The following PAPSS2 variants were observed in gnomAD, a reference collection of about 807,000 sequenced individuals.
PAPSS2 encodes the protein 3'-phosphoadenosine 5'-phosphosulfate synthase 2, also known as bifunctional 3'-phosphoadenosine 5'-phosphosulfate synthase 2.
In PAPSS2, 61 loss-of-function variants were observed where a neutral mutation model predicts 66.5. The observed-to-expected ratio is 0.92, with a 90% CI of 0.75 to 1.14. The LOEUF is 1.14. Among genes scored for constraint, PAPSS2 ranks in the 50% most tolerant of loss-of-function variants. The pLI, the probability that PAPSS2 is intolerant of heterozygous loss-of-function variation, is 0.00. For missense variants in PAPSS2, 708 were observed against 789.6 expected (o/e 0.90, Z 1.24); for synonymous variants, 289 against 287.5 (o/e 1.01, Z -0.05).
rs1589446929 is a variant in PAPSS2, at chr10:87,747,486, A to AT, written c.*1517dup. On this transcript the variant is annotated 3_prime_UTR_variant, in exon 13 of 13. Transcript: ENST00000456849. ...GTTTGTCTTTAATAGTATAGTGCCT[A>AT]TACTCATGTAATCGGTTACTCACTA... is the stretch of plus-strand genomic sequence containing the variant. 6.6e-6 allele frequency: 1 copy of AT among 152,502 alleles called. No individual in the cohort carries two copies. The highest frequency in any genetic ancestry group is 2.4e-5 in the African/African-American group (1 of 41,422). 9.4% of individuals were successfully genotyped at this position (152,502 alleles called of 1,614,324 possible).
At chr10:87,715,200 A>G (rs1416477748) in intron 6 of PAPSS2, 102 bp downstream of exon 6, 18 of 730,812 alleles carry the variant, frequency 2.5e-5, no homozygotes, top group East Asian at 1.1e-4. Flanking sequence ...TAAGGTGCAC[A>G]TAATGTCCAT....
chr10:87,743,053 C>A (rs566975969), intron 10 of PAPSS2, among the ~76,000 whole-genome samples: 1 of 152,238 alleles, frequency 6.6e-6, no homozygotes, highest in East Asian at 1.9e-4. Flanking sequence ...CGAGACCAGC[C>A]TGGCCAACAT....
chr10:87,709,572 A>G (rs1027953436), intron 2 of PAPSS2, among the ~76,000 whole-genome samples: 1 of 152,188 alleles, frequency 6.6e-6, no homozygotes, highest in Admixed American at 6.5e-5. Flanking sequence ...TTGGCAGGAA[A>G]GGACGGGACA....
chr10:87,675,501 C>G (rs566570740), intron 1 of PAPSS2, among the ~76,000 whole-genome samples: 39 of 145,940 alleles, frequency 2.7e-4, no homozygotes, highest in Non-Finnish European at 4.2e-4. Context: ...GTAAGTCAAG[C>G]ACATTTATTA....
intron 11 of PAPSS2, 76 bp from the exon 12 acceptor site, chr10:87,744,926 T>C: frequency 8.1e-7 from 1 of 1,228,828 alleles, no homozygotes; most frequent in East Asian, 2.4e-5. Context: ...TAAAGTAGAA[T>C]AAAGGTGTCT....
chr10:87,665,500 C>T (rs1347026362), intron 1 of PAPSS2, among the ~76,000 whole-genome samples: 3 of 152,162 alleles, frequency 2.0e-5, no homozygotes, highest in Non-Finnish European at 4.4e-5. Context: ...CGTGAGCCAC[C>T]GTGCCCGGCC....
chr10:87,700,219 T>C (rs1853285587), intron 1 of PAPSS2, among the ~76,000 whole-genome samples: 2 of 152,228 alleles, frequency 1.3e-5, no homozygotes, highest in African/African-American at 4.8e-5. Flanking sequence ...TTTTTCTGTA[T>C]TATAATGTTG....
At chr10:87,686,771 G>C (rs1853094949) in intron 1 of PAPSS2, among the ~76,000 whole-genome samples, 1 of 152,172 alleles carries the variant, frequency 6.6e-6, no homozygotes, top group Non-Finnish European at 1.5e-5. Context: ...ATTAACGTCA[G>C]AGAAGAGGGG....
At chr10:87,706,084 GTATATA>G (rs532950801) in intron 1 of PAPSS2, among the ~76,000 whole-genome samples, 8 of 60,166 alleles carry the variant, frequency 1.3e-4, no homozygotes, top group African/African-American at 2.8e-4. Flanking sequence ...TCTTCACATG[GTATATA>G]TATATATATA....
chr10:87,676,071 C>A (rs1447581415), intron 1 of PAPSS2, among the ~76,000 whole-genome samples: 1 of 96,464 alleles, frequency 1.0e-5, no homozygotes. Flanking sequence ...ATTAAATATT[C>A]CATGAGGAAT....
chr10:87,708,130 T>C (rs1853415694), intron 1 of PAPSS2, among the ~76,000 whole-genome samples: 1 of 152,186 alleles, frequency 6.6e-6, no homozygotes, highest in African/African-American at 2.4e-5. Context: ...ATTTATTGGC[T>C]CACTTTACCT....
At chr10:87,706,108 ATGTGTGTGTGTGTGTGTG>A (rs150079044) in intron 1 of PAPSS2, among the ~76,000 whole-genome samples, 25 of 51,924 alleles carry the variant, frequency 4.8e-4, no homozygotes, top group South Asian at 6.9e-4. Context: ...ATATATATAT[ATGTGTGTGTGTGTGTGTG>A]TGTGTGTGTG....
intron 1 of PAPSS2, among the ~76,000 whole-genome samples, chr10:87,689,324 G>T (rs1853134292): frequency 7.1e-6 from 1 of 139,998 alleles, no homozygotes; most frequent in Admixed American, 7.5e-5. Flanking sequence ...TAGGCAACAC[G>T]AGCAAAACTC....
intron 1 of PAPSS2, among the ~76,000 whole-genome samples, chr10:87,708,585 T>C (rs992280434): frequency 1.3e-5 from 2 of 152,054 alleles, no homozygotes; most frequent in Admixed American, 6.6e-5. Context: ...GGGGAGAACA[T>C]GCATTCACTG....
At chr10:87,681,780 T>G (rs931802252) in intron 1 of PAPSS2, among the ~76,000 whole-genome samples, 4 of 152,252 alleles carry the variant, frequency 2.6e-5, no homozygotes, top group Admixed American at 1.3e-4. Flanking sequence ...ATGTTTCTTA[T>G]AAATGGAATG....
intron 2 of PAPSS2, 139 bp downstream of exon 2, chr10:87,709,452 G>T: frequency 1.7e-6 from 1 of 583,904 alleles, no homozygotes; most frequent in Admixed American, 2.4e-5. Flanking sequence ...GAAAGCCTGG[G>T]TGTTAGTCCT....
chr10:87,712,702 C>T (rs1224813844), intron 2 of PAPSS2, among the ~76,000 whole-genome samples: 1 of 152,090 alleles, frequency 6.6e-6, no homozygotes, highest in African/African-American at 2.4e-5. Context: ...AGTGATCCTC[C>T]CACCTTGGCC....
chr10:87,719,174 C>T (rs1233841097), intron 7 of PAPSS2, among the ~76,000 whole-genome samples: 1 of 152,184 alleles, frequency 6.6e-6, no homozygotes, highest in African/African-American at 2.4e-5. Flanking sequence ...CCCACCCCTA[C>T]CACTCGCCGT....
intron 9 of PAPSS2, among the ~76,000 whole-genome samples, chr10:87,734,663 G>GTACATATATATA (rs1554867987): frequency 1.6e-4 from 13 of 81,112 alleles, no homozygotes; most frequent in South Asian, 5.3e-4. Context: ...GAATGTGTGT[G>GTACATATATATA]TATATATATA....
Sources: allele counts gnomAD v4.1 joint callset (sites outside exome capture counted in the v4.1 genomes callset), GRCh38; gene constraint gnomAD v4.1.1; transcripts MANE v1.5; gene names NCBI Gene and HGNC (gene_info 2026-07-23, HGNC 2026-07-21).